The following DMD variants were observed in gnomAD, a reference collection of about 807,000 sequenced individuals.
The protein encoded by DMD is dystrophin.
A neutral mutation model predicts 330.1 loss-of-function variants in DMD; 63 were observed. The ratio of observed to expected loss-of-function variants is 0.19; its 90% confidence interval spans 0.16 to 0.24. The LOEUF is 0.24. Ranked by LOEUF, DMD falls within the 10% of genes least tolerant of loss-of-function variation. DMD has a pLI of 1.00. For missense variants in DMD, 3,344 were observed against 2,684.1 expected, an observed-to-expected ratio of 1.25 and a Z score of -5.43; for synonymous variants, 1,223 against 959.8, an observed-to-expected ratio of 1.27 and a Z score of -5.07.
intron 1 of DMD, among the ~76,000 whole-genome samples, chrX:33,208,099 C>T (rs1019700947): frequency 6.3e-5 from 7 of 111,197 alleles, no homozygotes; most frequent in Non-Finnish European, 9.4e-5. Flanking sequence ...ATTTGGCGTG[C>T]CTTCAAATTA....
chrX:33,210,664 A>G (rs1359770091), intron 1 of DMD, among the ~76,000 whole-genome samples: 2 of 111,779 alleles, frequency 1.8e-5, no homozygotes, highest in East Asian at 2.8e-4. Context: ...ATTTGAAATA[A>G]TTATCATGAT....
At chrX:32,245,948 T>A (rs1262352747) in intron 43 of DMD, among the ~76,000 whole-genome samples, 4 of 101,482 alleles carry the variant, frequency 3.9e-5, no homozygotes, top group Non-Finnish European at 7.9e-5. Flanking sequence ...ACTGAATACC[T>A]TTTATTTCCT....
chrX:32,394,929 A>ACAAAAAAAAAC (rs1294965078), intron 30 of DMD, among the ~76,000 whole-genome samples: 1 of 92,632 alleles, frequency 1.1e-5, no homozygotes, highest in East Asian at 3.9e-4. Context: ...AAAAAAAAAA[A>ACAAAAAAAAAC]AAAAGAAAAG....
At chrX:32,733,332 C>T (rs1353493198) in intron 7 of DMD, among the ~76,000 whole-genome samples, 2 of 109,924 alleles carry the variant, frequency 1.8e-5, no homozygotes, top group Non-Finnish European at 3.8e-5. Context: ...TAACACCCCA[C>T]TGTCAACATT....
chrX:32,465,518 C>T (rs1280629842), intron 23 of DMD, among the ~76,000 whole-genome samples: 2 of 108,127 alleles, frequency 1.8e-5, no homozygotes, highest in Non-Finnish European at 3.8e-5. Flanking sequence ...TTCAAGTCTA[C>T]ATTTGTTCTT....
chrX:32,508,889 C>A (rs1187162289), intron 18 of DMD, among the ~76,000 whole-genome samples: 4 of 110,512 alleles, frequency 3.6e-5, no homozygotes, highest in Non-Finnish European at 7.6e-5. Flanking sequence ...TGGCTCACTG[C>A]AAGCTCCGCC....
At chrX:33,073,922 T>C (rs976917053) in intron 1 of DMD, among the ~76,000 whole-genome samples, 15 of 111,566 alleles carry the variant, frequency 1.3e-4, no homozygotes, top group Non-Finnish European at 2.6e-4. Flanking sequence ...CACTAAAGTG[T>C]TTCTCTAACT....
chrX:32,599,115 G>A (rs1271610014), intron 12 of DMD, among the ~76,000 whole-genome samples: 2 of 112,228 alleles, frequency 1.8e-5, no homozygotes, highest in Non-Finnish European at 3.8e-5. Context: ...CTAAATAGCT[G>A]TAAGACAAAA....
At chrX:32,472,332 A>G in intron 21 of DMD, 23 bp from the exon 22 acceptor site, 1 of 1,205,592 alleles carries the variant, frequency 8.3e-7, no homozygotes, top group Non-Finnish European at 1.1e-6. Context: ...GGAAAAAAGA[A>G]TGAGAATCAC....
At chrX:31,312,437 T>G (rs1223822817) in intron 62 of DMD, among the ~76,000 whole-genome samples, 1 of 112,174 alleles carries the variant, frequency 8.9e-6, no homozygotes, top group Non-Finnish European at 1.9e-5. Flanking sequence ...GAATGGTGAT[T>G]ATTAAAAAGT....
At chrX:32,849,423 A>G (rs2080949806) in intron 3 of DMD, among the ~76,000 whole-genome samples, 1 of 112,298 alleles carries the variant, frequency 8.9e-6, no homozygotes, top group Non-Finnish European at 1.9e-5. Context: ...ACAAAAGTAC[A>G]AAGATAATTT....
At chrX:32,906,094 A>T (rs144719700) in intron 2 of DMD, among the ~76,000 whole-genome samples, 1 of 112,112 alleles carries the variant, frequency 8.9e-6, no homozygotes, top group East Asian at 2.8e-4. Flanking sequence ...GTCCCCACGA[A>T]ATCTCATGTT....
At chrX:31,868,107 T>C (rs2093830702) in intron 48 of DMD, among the ~76,000 whole-genome samples, 1 of 111,636 alleles carries the variant, frequency 9.0e-6, no homozygotes, top group African/African-American at 3.2e-5. Flanking sequence ...TTCGAGATTA[T>C]ACCATTGGAC....
chrX:32,715,496 G>A (rs59860354), intron 7 of DMD, among the ~76,000 whole-genome samples: 101 of 83,228 alleles, frequency 1.2e-3, no homozygotes, highest in African/African-American at 1.9e-3. Flanking sequence ...AAAAAAAAAA[G>A]GAGATCTTGA....
chrX:32,175,985 C>T (rs2096905196), intron 44 of DMD, among the ~76,000 whole-genome samples: 2 of 111,445 alleles, frequency 1.8e-5, no homozygotes, highest in Admixed American at 1.9e-4. Flanking sequence ...AATAACTCAT[C>T]CTCTTCCTAA....
At chrX:33,068,125 T>C (rs2094693211) in intron 1 of DMD, among the ~76,000 whole-genome samples, 1 of 111,814 alleles carries the variant, frequency 8.9e-6, no homozygotes, top group African/African-American at 3.2e-5. Flanking sequence ...CCTTTTAGAG[T>C]TGTGTTTCTC....
At chrX:33,168,235 T>C (rs991055365) in intron 1 of DMD, among the ~76,000 whole-genome samples, 4 of 111,136 alleles carry the variant, frequency 3.6e-5, no homozygotes, top group African/African-American at 9.8e-5. Flanking sequence ...GGCAAACATA[T>C]ATACAATGTG....
chrX:32,922,114 C>A (rs1450730468), intron 2 of DMD, among the ~76,000 whole-genome samples: 1 of 110,209 alleles, frequency 9.1e-6, no homozygotes. Flanking sequence ...AGCTAAAAGG[C>A]TCCCCCAAAG....
chrX:32,352,487 C>T (rs1331073471), intron 37 of DMD, among the ~76,000 whole-genome samples: 1 of 110,705 alleles, frequency 9.0e-6, no homozygotes, highest in East Asian at 2.8e-4. Context: ...ATATTCTCTT[C>T]AAAACCCACA....
Sources: gnomAD v4.1 joint callset for allele counts (sites outside exome capture counted in the v4.1 genomes callset) on GRCh38, gnomAD v4.1.1 for gene constraint, MANE v1.5 for transcripts, NCBI Gene and HGNC (gene_info 2026-07-23, HGNC 2026-07-21) for gene names.